Variants in CNOT6 observed in about 807,000 individuals in gnomAD.
CNOT6 encodes carbon catabolite repression 4 protein.
Under a neutral mutation model 61.2 loss-of-function variants are expected in CNOT6, and 12 were observed. The observed-to-expected ratio is 0.20, with a 90% CI of 0.13 to 0.32. CNOT6 has a LOEUF of 0.32. Among genes scored for constraint, CNOT6 ranks in the 10% least tolerant of loss-of-function variants. The pLI, the probability that CNOT6 is intolerant of heterozygous loss-of-function variation, is 1.00. For missense variants in CNOT6, 405 were observed against 663.9 expected (o/e 0.61, Z 4.28); for synonymous variants, 225 against 240.6 (o/e 0.94, Z 0.60).
intron 2 of CNOT6, among the ~76,000 whole-genome samples, chr5:180,538,034 C>CT (rs57646217): frequency 0.028 from 2,108 of 74,300 alleles, 46 homozygotes; most frequent in South Asian, 0.043. Context: ...GGAACATCAT[C>CT]TTTTTTTTTT....
intron 4 of CNOT6, among the ~76,000 whole-genome samples, chr5:180,560,967 A>AGTCT (rs1760149116): frequency 6.6e-6 from 1 of 151,018 alleles, no homozygotes; most frequent in African/African-American, 2.4e-5. Flanking sequence ...TCTATCAATC[A>AGTCT]ATCAGTCAAT....
chr5:180,556,740 C>T (rs886983385), intron 4 of CNOT6, among the ~76,000 whole-genome samples: 1 of 152,166 alleles, frequency 6.6e-6, no homozygotes, highest in Non-Finnish European at 1.5e-5. Context: ...ATCACGAGGT[C>T]AGGGGATCGA....
At chr5:180,516,526 G>T (rs1285496572) in intron 1 of CNOT6, among the ~76,000 whole-genome samples, 2 of 152,156 alleles carry the variant, frequency 1.3e-5, no homozygotes, top group African/African-American at 2.4e-5. Context: ...AGTTAAGATT[G>T]CCTGTAACTC....
chr5:180,577,508 A>G lies in CNOT6; in HGVS notation c.*3308A>G, dbSNP rs1054080119. ...GAAGCTCTCAGAATGTCCAGTACAG[A>G]TGTTGCAGATAATTCCAAGAACTCC... On this transcript the variant is annotated 3_prime_UTR_variant, in exon 12 of 12. Coordinates refer to ENST00000261951, the MANE Select transcript of CNOT6 (RefSeq NM_001370472.1). 6.6e-6 allele frequency: 1 copy of G among 152,640 alleles called. No homozygotes were observed. The highest frequency in any genetic ancestry group is 1.5e-5 in the Non-Finnish European group (1 of 68,036). 9.5% of individuals were successfully genotyped at this position (152,640 alleles called of 1,614,324 possible).
Position 180,575,184 on chromosome 5 carries a change from G to C in CNOT6, c.*984G>C, listed in dbSNP as rs1041656393. 6.6e-6 allele frequency: 1 copy of C among 152,646 alleles called. No homozygotes were observed. Among genetic ancestry groups the C allele is most frequent in the African/African-American group, 2.4e-5 (1 of 41,446 alleles). 9.5% of individuals were successfully genotyped at this position (152,646 alleles called of 1,614,324 possible). ...ACCAAGCACTGCCTGTGCATGCAGA[G>C]AAAATCTGTGCATCCTCTTTTATAT... On this transcript the variant is annotated 3_prime_UTR_variant, in exon 12 of 12. Transcript: ENST00000261951.
At chr5:180,544,784 G>C (rs773757584) in intron 2 of CNOT6, among the ~76,000 whole-genome samples, 1 of 152,142 alleles carries the variant, frequency 6.6e-6, no homozygotes, top group Non-Finnish European at 1.5e-5. Flanking sequence ...TGAGTGAAGA[G>C]GGCAAAGACA....
At chr5:180,529,821 C>T (rs1758270013) in intron 2 of CNOT6, among the ~76,000 whole-genome samples, 2 of 152,158 alleles carry the variant, frequency 1.3e-5, no homozygotes, top group African/African-American at 2.4e-5. Flanking sequence ...AGGTTTGTTT[C>T]TCCTTATTTT....
At chr5:180,521,387 C>G (rs1268794986) in intron 1 of CNOT6, among the ~76,000 whole-genome samples, 1 of 152,154 alleles carries the variant, frequency 6.6e-6, no homozygotes, top group South Asian at 2.1e-4. Context: ...ACTCAGGTTT[C>G]ATAATCACAT....
chr5:180,552,857 T>G (rs184268733), intron 3 of CNOT6, among the ~76,000 whole-genome samples: 34 of 152,304 alleles, frequency 2.2e-4, no homozygotes, highest in Admixed American at 2.1e-3. Flanking sequence ...TAAATGCAAC[T>G]TTAGTTGATA....
intron 2 of CNOT6, among the ~76,000 whole-genome samples, chr5:180,536,437 T>C (rs1187085690): frequency 1.3e-5 from 2 of 152,124 alleles, no homozygotes; most frequent in African/African-American, 4.8e-5. Context: ...GTGCAGAAAC[T>C]TCTTAATGTA....
chr5:180,553,497 T>G, intron 4 of CNOT6, 26 bp downstream of exon 4: 1 of 1,556,680 alleles, frequency 6.4e-7, no homozygotes, highest in Non-Finnish European at 8.9e-7. Flanking sequence ...TTGTACTTCT[T>G]ATGGTTTGTG....
intron 1 of CNOT6, among the ~76,000 whole-genome samples, chr5:180,527,806 CAGG>C (rs1758170388): frequency 6.6e-6 from 1 of 152,180 alleles, no homozygotes. Flanking sequence ...GGTCGCACAG[CAGG>C]AGGTGAGCGG....
intron 2 of CNOT6, among the ~76,000 whole-genome samples, chr5:180,539,172 TC>T (rs1758882308): frequency 2.3e-5 from 1 of 43,054 alleles, no homozygotes. Flanking sequence ...AGACTCCATC[TC>T]AAAAAAAAAA....
intron 1 of CNOT6, among the ~76,000 whole-genome samples, chr5:180,499,190 A>G (rs774707518): frequency 6.6e-6 from 1 of 152,236 alleles, no homozygotes; most frequent in Non-Finnish European, 1.5e-5. Flanking sequence ...GGGTCATTTA[A>G]AATCAAAGTG....
chr5:180,517,061 A>G (rs892792934), intron 1 of CNOT6, among the ~76,000 whole-genome samples: 2 of 152,252 alleles, frequency 1.3e-5, no homozygotes, highest in African/African-American at 2.4e-5. Context: ...TCAGAAAGTA[A>G]TCTATGTAGA....
rs996659083 is a variant in CNOT6 at position 180,520,662 on chromosome 5, C to T, written c.-2-8613C>T. Among the ~76,000 whole-genome samples, 14 of 151,700 alleles carry T rather than the reference C, an allele frequency of 9.2e-5. No individual in the cohort carries two copies. The East Asian group carries it at 1.8e-3, about 19-fold the overall frequency. On this transcript the variant is annotated intron_variant, in intron 1 of 11. Transcript: ENST00000261951. ...TCTCCAAAAGAAAAAGAAAAGGTGC[C>T]GCTTATTTATATAGGCAGGAAACAA...
intron 2 of CNOT6, among the ~76,000 whole-genome samples, chr5:180,531,374 C>G (rs902380510): frequency 3.3e-5 from 5 of 151,972 alleles, no homozygotes. Flanking sequence ...AGGCGCTCCT[C>G]ACATCCCACA....
At chr5:180,506,289 A>G (rs772643079) in intron 1 of CNOT6, among the ~76,000 whole-genome samples, 6 of 152,236 alleles carry the variant, frequency 3.9e-5, no homozygotes, top group Non-Finnish European at 7.3e-5. Context: ...ATTATTGCAT[A>G]GTAGTTGAAA....
At chr5:180,495,333 G>C (rs1041171725) in intron 1 of CNOT6, 1 of 152,392 alleles carries the variant, frequency 6.6e-6, no homozygotes, top group Admixed American at 6.5e-5. Context: ...TTATTTTATA[G>C]TATTGCGAAG....
Sources: gnomAD v4.1 joint callset for allele counts (sites outside exome capture counted in the v4.1 genomes callset) on GRCh38, gnomAD v4.1.1 for gene constraint, MANE v1.5 for transcripts, NCBI Gene and HGNC (gene_info 2026-07-23, HGNC 2026-07-21) for gene names.